The following TENM2 variants were observed in gnomAD, a reference collection of about 807,000 sequenced individuals.
The protein encoded by TENM2 is teneurin-2.
Under a neutral mutation model 245.2 loss-of-function variants are expected in TENM2, and 52 were observed. That is an observed-to-expected ratio of 0.21 (90% CI 0.17 to 0.27). TENM2 has a LOEUF of 0.27. Ranked by LOEUF, TENM2 falls within the 10% of genes least tolerant of loss-of-function variation. TENM2 has a pLI of 1.00. For synonymous variants in TENM2, 1,363 were observed against 1,438.9 expected (o/e 0.95, Z 1.19); for missense variants, 3,046 against 3,666.8 (o/e 0.83, Z 4.37).
intron 3 of TENM2, among the ~76,000 whole-genome samples, chr5:167,900,136 G>C (rs376436697): frequency 0.028 from 2,072 of 73,742 alleles, 71 homozygotes; most frequent in African/African-American, 0.19. Context: ...AAAAAAAAGG[G>C]GGGGGGGGTT....
intron 12 of TENM2, among the ~76,000 whole-genome samples, chr5:168,156,266 A>AAAAAAAAAAC (rs1554210115): frequency 6.7e-6 from 1 of 148,364 alleles, no homozygotes; most frequent in Non-Finnish European, 1.5e-5. Flanking sequence ...AAAAAAAAAA[A>AAAAAAAAAAC]CACTTTTTTT....
chr5:168,038,442 G>A (rs1411092327), intron 5 of TENM2, among the ~76,000 whole-genome samples: 1 of 152,090 alleles, frequency 6.6e-6, no homozygotes, highest in African/African-American at 2.4e-5. Context: ...AAAACCAGCT[G>A]CCCCACCTAC....
intron 2 of TENM2, among the ~76,000 whole-genome samples, chr5:167,702,552 G>GTATATATA (rs374895330): frequency 0.049 from 6,658 of 136,590 alleles, 193 homozygotes; most frequent in South Asian, 0.066. Context: ...GTGTGTGTGT[G>GTATATATA]TATATATATA....
At chr5:168,190,298 T>C in intron 13 of TENM2, 39 bp from the exon 16 acceptor site, 2 of 1,550,350 alleles carry the variant, frequency 1.3e-6, no homozygotes, top group Non-Finnish European at 1.8e-6. Flanking sequence ...CTTTATGCCA[T>C]GAAATCTGCT....
chr5:168,149,893 C>A (rs1292757701), intron 12 of TENM2, among the ~76,000 whole-genome samples: 9 of 152,226 alleles, frequency 5.9e-5, no homozygotes, highest in Non-Finnish European at 1.3e-4. Context: ...TTTGTACCTG[C>A]AGTTTCCTCT....
chr5:167,197,315 A>G, the TENM2 span, among the ~76,000 whole-genome samples: 1 of 152,080 alleles, frequency 6.6e-6, no homozygotes, highest in Non-Finnish European at 1.5e-5. Context: ...GTGGATTCCC[A>G]TGGATTTCTG....
chr5:168,070,966 G>A (rs6897880), intron 7 of TENM2, among the ~76,000 whole-genome samples: 2,356 of 149,674 alleles, frequency 0.016, 57 homozygotes, highest in African/African-American at 0.054. Flanking sequence ...GAAAGGAAGG[G>A]AAAGGGAAAG....
intron 9 of TENM2, among the ~76,000 whole-genome samples, chr5:168,108,396 C>A (rs1794419368): frequency 6.6e-6 from 1 of 152,132 alleles, no homozygotes; most frequent in African/African-American, 2.4e-5. Context: ...ATTACTTAAC[C>A]CCTCTGAGCC....
At chr5:167,964,393 A>G (rs1485498430) in intron 4 of TENM2, among the ~76,000 whole-genome samples, 1 of 152,212 alleles carries the variant, frequency 6.6e-6, no homozygotes, top group East Asian at 1.9e-4. Flanking sequence ...TTGCCCTGAC[A>G]TACTAGAAGC....
At chr5:167,026,017 T>C in the TENM2 span, among the ~76,000 whole-genome samples, 1 of 152,210 alleles carries the variant, frequency 6.6e-6, no homozygotes, top group Admixed American at 6.5e-5. Flanking sequence ...CTATCCTTTT[T>C]TCTTGCCCTG....
chr5:167,899,937 C>T (rs1474552452), intron 3 of TENM2, among the ~76,000 whole-genome samples: 3 of 151,974 alleles, frequency 2.0e-5, no homozygotes, highest in Non-Finnish European at 4.4e-5. Context: ...TTTAAATCCA[C>T]TCACGCAAAG....
At chr5:168,123,319 A>C (rs568778456) in intron 10 of TENM2, among the ~76,000 whole-genome samples, 1 of 152,272 alleles carries the variant, frequency 6.6e-6, no homozygotes, top group South Asian at 2.1e-4. Context: ...CAAACAAACA[A>C]AAAAGGCATT....
rs200270395 is a variant in TENM2, at chr5:167,984,631, G to C, written c.948-8313G>C. On this transcript the variant is annotated intron_variant, in intron 4 of 28. Transcript: ENST00000518659. Reference sequence around the variant, plus strand: ...GATCAAGCCACTGCACTCCAGCCTGGACAACAAAGCAAGACTTTGTCTTGG... The same window carrying C: ...GATCAAGCCACTGCACTCCAGCCTGCACAACAAAGCAAGACTTTGTCTTGG... Among the ~76,000 whole-genome samples the C allele has an allele frequency of 7.2e-5, 11 of 152,180 alleles. No individual in the cohort carries two copies. In the East Asian group the frequency reaches 2.1e-3, roughly 29 times the overall value.
chr5:167,880,045 A>T (rs1773747971), intron 3 of TENM2, among the ~76,000 whole-genome samples: 1 of 151,918 alleles, frequency 6.6e-6, no homozygotes, highest in African/African-American at 2.4e-5. Context: ...AAAAATCGTT[A>T]CTTTTTTTAT....
chr5:167,832,901 C>G (rs528134933), intron 2 of TENM2, among the ~76,000 whole-genome samples: 120 of 152,238 alleles, frequency 7.9e-4, no homozygotes, highest in African/African-American at 2.8e-3. Context: ...GCACAGAAAT[C>G]AGCAAATGCT....
intron 2 of TENM2, among the ~76,000 whole-genome samples, chr5:167,468,957 C>G (rs1190954307): frequency 2.6e-5 from 4 of 152,156 alleles, no homozygotes; most frequent in Non-Finnish European, 4.4e-5. Context: ...AATGATGCCA[C>G]TTGTAAACAT....
At chr5:168,145,655 T>C (rs912411126) in intron 12 of TENM2, among the ~76,000 whole-genome samples, 6 of 152,294 alleles carry the variant, frequency 3.9e-5, no homozygotes, top group Admixed American at 3.9e-4. Flanking sequence ...ATTGACTTGG[T>C]GATGCGAGCT....
At chr5:167,844,386 G>A (rs989995401) in intron 2 of TENM2, among the ~76,000 whole-genome samples, 1 of 152,190 alleles carries the variant, frequency 6.6e-6, no homozygotes, top group Non-Finnish European at 1.5e-5. Flanking sequence ...AAGACAAATT[G>A]GCCAACAGGG....
At chr5:167,402,426 G>A (rs988090811) in intron 2 of TENM2, among the ~76,000 whole-genome samples, 1 of 152,082 alleles carries the variant, frequency 6.6e-6, no homozygotes, top group African/African-American at 2.4e-5. Flanking sequence ...AAGTATGTAT[G>A]AAGGTTTAAT....
Sources: gnomAD v4.1 joint callset for allele counts (sites outside exome capture counted in the v4.1 genomes callset) on GRCh38, gnomAD v4.1.1 for gene constraint, MANE v1.5 for transcripts, NCBI Gene and HGNC (gene_info 2026-07-23, HGNC 2026-07-21) for gene names.